CD96: variants seen among roughly 807,000 people sequenced by gnomAD.
CD96 encodes the protein T-cell surface protein tactile.
CD96 carries 70 observed loss-of-function variants against 71.3 expected under a neutral mutation model. The observed-to-expected ratio is 0.98, with a 90% confidence interval of 0.81 to 1.20. CD96 has a LOEUF of 1.20. Ranked by LOEUF, CD96 falls within the 50% of genes most tolerant of loss-of-function variation. The pLI is 0.00. For synonymous variants in CD96, 248 were observed against 233.0 expected (o/e 1.06, Z -0.59); for missense variants, 742 against 677.5 (o/e 1.10, Z -1.06).
At chr3:111,605,616 T>G (rs1937601335) in intron 7 of CD96, among the ~76,000 whole-genome samples, 1 of 152,182 alleles carries the variant, frequency 6.6e-6, no homozygotes, top group Admixed American at 6.5e-5. Flanking sequence ...AGAGATTATT[T>G]GCACAAAAGC....
intron 5 of CD96, among the ~76,000 whole-genome samples, chr3:111,588,094 A>G (rs1359128880): frequency 1.3e-5 from 2 of 152,110 alleles, no homozygotes; most frequent in Non-Finnish European, 2.9e-5. Context: ...AGAAAATGGG[A>G]TTTTCTTTTC....
chr3:111,653,459 C>A (rs889366333), downstream of CD96, among the ~76,000 whole-genome samples: 1 of 152,156 alleles, frequency 6.6e-6, no homozygotes, highest in Non-Finnish European at 1.5e-5. Flanking sequence ...TTTCTATTTT[C>A]TTTGGTTCAG....
At chr3:111,605,586 T>C (rs575509328) in intron 7 of CD96, among the ~76,000 whole-genome samples, 1 of 152,304 alleles carries the variant, frequency 6.6e-6, no homozygotes, top group South Asian at 2.1e-4. Context: ...ACTTCCCATA[T>C]AACCGTCCTC....
intron 5 of CD96, 122 bp from the exon 6 acceptor site, chr3:111,597,998 C>A: frequency 2.8e-6 from 2 of 715,308 alleles, no homozygotes; most frequent in Admixed American, 1.9e-5. Flanking sequence ...ACATTGCCTT[C>A]TATTTATTCA....
chr3:111,615,935 C>G lies in CD96; in HGVS notation c.1181-7819C>G, dbSNP rs545870680. Among the ~76,000 whole-genome samples, 4 of 152,260 alleles carry G rather than the reference C, an allele frequency of 2.6e-5. No individual in the cohort carries two copies. In the South Asian group the frequency reaches 8.3e-4, roughly 32 times the overall value. On this transcript the variant is annotated intron_variant, in intron 8 of 13. Coordinates refer to ENST00000352690, the MANE Select transcript of CD96 (RefSeq NM_005816.5). ...ATCTCAGGGCCTTTTAACCTCACTT[C>G]CTATGCCTGAAAAATTCTTCCCCCA...
intron 8 of CD96, among the ~76,000 whole-genome samples, chr3:111,609,399 A>G (rs1046861011): frequency 6.6e-6 from 1 of 152,184 alleles, no homozygotes; most frequent in African/African-American, 2.4e-5. Flanking sequence ...AGCACTTACT[A>G]TATATCAGGT....
intron 2 of CD96, among the ~76,000 whole-genome samples, chr3:111,567,179 G>T (rs557264252): frequency 1.3e-5 from 2 of 152,258 alleles, no homozygotes; most frequent in South Asian, 2.1e-4. Flanking sequence ...GACAGTTAAG[G>T]CTAGGTTATG....
At chr3:111,594,106 T>C (rs200578673) in intron 5 of CD96, 17 of 1,614,026 alleles carry the variant, frequency 1.1e-5, no homozygotes, top group Admixed American at 5.0e-5. Context: ...CAACCAGTTC[T>C]CCTGTCTCAC....
chr3:111,604,784 A>G (rs1937578043), intron 7 of CD96, among the ~76,000 whole-genome samples: 1 of 152,212 alleles, frequency 6.6e-6, no homozygotes, highest in South Asian at 2.1e-4. Context: ...GCTAGATAGT[A>G]AATATATTTT....
At chr3:111,657,811 C>T (rs1383874617) in intron 14 of CD96, among the ~76,000 whole-genome samples, 6 of 151,926 alleles carry the variant, frequency 3.9e-5, no homozygotes, top group African/African-American at 7.3e-5. Context: ...CATGTGTATG[C>T]GCATGAAGGT....
At chr3:111,631,701 G>A (rs903756521) in intron 10 of CD96, among the ~76,000 whole-genome samples, 2 of 151,808 alleles carry the variant, frequency 1.3e-5, no homozygotes, top group African/African-American at 2.4e-5. Flanking sequence ...CAAAGCTGGA[G>A]GCATCATGCT....
At chr3:111,597,741 A>G (rs1202935363) in intron 5 of CD96, among the ~76,000 whole-genome samples, 1 of 152,186 alleles carries the variant, frequency 6.6e-6, no homozygotes, top group African/African-American at 2.4e-5. Flanking sequence ...CTAACAGACT[A>G]TTCTTCTCTG....
intron 8 of CD96, among the ~76,000 whole-genome samples, chr3:111,613,813 A>G (rs1938080924): frequency 6.6e-6 from 1 of 152,236 alleles, no homozygotes; most frequent in African/African-American, 2.4e-5. Flanking sequence ...CATTGGAATA[A>G]GGCAAAACCT....
In CD96 at chr3:111,556,812, G is replaced by C. The variant is rs566040339; in HGVS notation, c.419-10711G>C. On this transcript the variant is annotated intron_variant, in intron 2 of 13. Coordinates refer to ENST00000352690, the MANE Select transcript of CD96 (RefSeq NM_005816.5). ...TCCATAATGGTGGAACTAGTTTACA[G>C]TCCCACCAACAGTGTAAAAGTGTTC... 9.2e-3 allele frequency among the ~76,000 whole-genome samples: 1,405 copies of C among 151,926 alleles called. 19 individuals carry two copies. Among genetic ancestry groups the C allele is most frequent in the African/African-American group, 0.032 (1,340 of 41,318 alleles).
intron 8 of CD96, among the ~76,000 whole-genome samples, chr3:111,613,347 C>T (rs1056193231): frequency 1.3e-5 from 2 of 152,314 alleles, no homozygotes; most frequent in African/African-American, 4.8e-5. Context: ...GACCAGTAAT[C>T]CAGCAATACA....
chr3:111,556,166 A>C (rs939470724), intron 2 of CD96, among the ~76,000 whole-genome samples: 12 of 152,276 alleles, frequency 7.9e-5, no homozygotes, highest in African/African-American at 2.9e-4. Context: ...AGTCATTGTC[A>C]TATTTTGCTT....
intron 8 of CD96, among the ~76,000 whole-genome samples, chr3:111,609,691 T>C (rs559115918): frequency 8.6e-4 from 131 of 152,318 alleles, no homozygotes; most frequent in Admixed American, 1.9e-3. Context: ...AGTACCATAT[T>C]TGTTTAAAAA....
At chr3:111,566,700 A>G (rs1935729456) in intron 2 of CD96, among the ~76,000 whole-genome samples, 1 of 152,198 alleles carries the variant, frequency 6.6e-6, no homozygotes, top group Non-Finnish European at 1.5e-5. Context: ...AGGAGAGACT[A>G]CAAAATGGAT....
At chr3:111,546,919 T>TAC (rs60838213) in intron 2 of CD96, among the ~76,000 whole-genome samples, 4,018 of 138,164 alleles carry the variant, frequency 0.029, 103 homozygotes, top group South Asian at 0.099. Context: ...CACAGACACA[T>TAC]ACACACACAC....
Sources: gnomAD v4.1 joint callset for allele counts (sites outside exome capture counted in the v4.1 genomes callset) on GRCh38, gnomAD v4.1.1 for gene constraint, MANE v1.5 for transcripts, NCBI Gene and HGNC (gene_info 2026-07-23, HGNC 2026-07-21) for gene names.